ELSPBP1: variants seen among roughly 807,000 people sequenced by gnomAD.
ELSPBP1 encodes the protein epididymal sperm-binding protein 1.
Under a neutral mutation model 33.3 loss-of-function variants are expected in ELSPBP1, and 38 were observed. The observed-to-expected ratio is 1.14, with a 90% CI of 0.88 to 1.50. The LOEUF (loss-of-function observed/expected upper bound fraction) is 1.50. Among genes scored for constraint, ELSPBP1 ranks in the 40% most tolerant of loss-of-function variants. The pLI is 0.00. For missense variants in ELSPBP1, 267 were observed against 263.5 expected (o/e 1.01, Z -0.09); for synonymous variants, 85 against 94.1 (o/e 0.90, Z 0.56).
At chr19:48,023,369 G>T (rs111064774) in intron 6 of ELSPBP1, among the ~76,000 whole-genome samples, 1 of 93,434 alleles carries the variant, frequency 1.1e-5, no homozygotes. Context: ...AGGGAGGAAG[G>T]AAGAGAGGAA....
intron 4 of ELSPBP1, 75 bp from the exon 5 acceptor site, chr19:48,019,644 C>A: frequency 2.1e-6 from 3 of 1,443,960 alleles, no homozygotes; most frequent in Non-Finnish European, 2.8e-6. Flanking sequence ...AAGCGTGGCA[C>A]AGTTTGTGTG....
At chr19:48,001,385 G>GT (rs1431029954) in intron 1 of ELSPBP1, among the ~76,000 whole-genome samples, 2 of 148,918 alleles carry the variant, frequency 1.3e-5, no homozygotes, top group East Asian at 4.0e-4. Context: ...GTTTCACCAT[G>GT]TTGGCCAGCA....
intron 1 of ELSPBP1, among the ~76,000 whole-genome samples, chr19:48,000,705 C>T (rs1568402959): frequency 6.6e-6 from 1 of 152,118 alleles, no homozygotes; most frequent in Admixed American, 6.6e-5. Context: ...ATGAGGACTC[C>T]GAGCTGTGCG....
chr19:47,999,739 A>G (rs971615680), intron 1 of ELSPBP1, among the ~76,000 whole-genome samples: 1 of 151,734 alleles, frequency 6.6e-6, no homozygotes, highest in Non-Finnish European at 1.5e-5. Flanking sequence ...TATTAGCCTC[A>G]TGCAAGAAGG....
intron 6 of ELSPBP1, 53 bp downstream of exon 6, chr19:48,022,387 T>C (rs1814243068): frequency 9.4e-6 from 14 of 1,489,248 alleles, no homozygotes; most frequent in South Asian, 2.7e-5. Flanking sequence ...GTGAGACAGG[T>C]GCACAACTGG....
chr19:48,023,787 T>G lies in ELSPBP1; in HGVS notation c.*8-1165T>G, dbSNP rs946079667. ...CCACCTCAGCCCGCTGGTCATCAAG[T>G]ACCTCCACAGAACCAACTTTATCCC... is the stretch of plus-strand genomic sequence containing the variant. On this transcript the variant is annotated intron_variant, in intron 6 of 6. Transcript: ENST00000339841. 3.9e-5 allele frequency among the ~76,000 whole-genome samples: 6 copies of G among 152,236 alleles called. No homozygotes were observed. In the South Asian group the frequency reaches 8.3e-4, roughly 21 times the overall value.
At position 48,011,978 on chromosome 19, in the gene ELSPBP1, A is replaced by G. The variant is rs56335128; in HGVS notation, c.71-2193A>G. 6.6e-6 allele frequency among the ~76,000 whole-genome samples: 1 copy of G among 151,798 alleles called. No individual in the cohort carries two copies. The highest frequency in any genetic ancestry group is 1.5e-5 in the Non-Finnish European group (1 of 67,932). On this transcript the variant is annotated intron_variant, in intron 2 of 6. Transcript: ENST00000339841. This position sits in a 1 kb window ranked among gnomAD's most constrained non-coding sequence, Gnocchi z 4.5. ...GTTGAGCTCTCATCCCAGGTCTACA[A>G]AAAAAAAGCAATCAACTTTAATTAG...
At chr19:48,001,253 C>T (rs1409602157) in intron 1 of ELSPBP1, among the ~76,000 whole-genome samples, 1 of 151,818 alleles carries the variant, frequency 6.6e-6, no homozygotes, top group Non-Finnish European at 1.5e-5. Context: ...TCACTGCAAC[C>T]TCTAACTCCC....
chr19:48,004,149 G>T (rs1432541250), intron 1 of ELSPBP1, among the ~76,000 whole-genome samples: 1 of 151,886 alleles, frequency 6.6e-6, no homozygotes, highest in African/African-American at 2.4e-5. Flanking sequence ...TTACCATGTT[G>T]ACCAGGCTGG....
chr19:47,997,040 T>C (rs980978509), intron 1 of ELSPBP1, among the ~76,000 whole-genome samples: 1 of 152,150 alleles, frequency 6.6e-6, no homozygotes, highest in Non-Finnish European at 1.5e-5. Flanking sequence ...CCCCATTTTA[T>C]AGAGGGGTAA....
At chr19:48,015,797 C>A in intron 3 of ELSPBP1, 96 bp from the exon 4 acceptor site, 1 of 1,180,376 alleles carries the variant, frequency 8.5e-7, no homozygotes, top group Non-Finnish European at 1.2e-6. Context: ...AACCTTATGT[C>A]TGTCCTGTCC....
chr19:48,023,820 TTTTTTTC>T (rs1249978187), intron 6 of ELSPBP1, among the ~76,000 whole-genome samples: 2 of 152,026 alleles, frequency 1.3e-5, no homozygotes, highest in Non-Finnish European at 2.9e-5. Flanking sequence ...CCCTCTTTTC[TTTTTTTC>T]TTTTTTCTTT....
Position 48,015,934 on chromosome 19 carries a change from G to T in ELSPBP1, c.250G>T (p.Ala84Ser), listed in dbSNP as rs770937416. Residue 84 changes from alanine to serine, a missense_variant, in exon 4 of 7, where the codon GCT (alanine) becomes TCT (serine). Coordinates refer to ENST00000339841, the MANE Select transcript of ELSPBP1 (RefSeq NM_022142.5). Reference protein sequence around the residue: ...CIFPFIYRGKAYNSCISQGSF... With the variant: ...CIFPFIYRGKSYNSCISQGSF... ...CTTCCCTTTCATCTATCGAGGAAAG[G>T]CTTATAACAGCTGCATCTCCCAGGG... 1.9e-5 allele frequency: 31 copies of T among 1,613,762 alleles called. No individual in the cohort carries two copies. Among genetic ancestry groups the T allele is most frequent in the Non-Finnish European group, 2.5e-5 (30 of 1,179,838 alleles).
chr19:47,998,583 G>A (rs1303651759), intron 1 of ELSPBP1, among the ~76,000 whole-genome samples: 4 of 151,766 alleles, frequency 2.6e-5, no homozygotes, highest in Non-Finnish European at 5.9e-5. Context: ...TCAGGAGATC[G>A]AGACCATCCT....
chr19:48,008,308 C>T (rs143748394), intron 1 of ELSPBP1, among the ~76,000 whole-genome samples: 5,404 of 152,232 alleles, frequency 0.035, 175 homozygotes, highest in African/African-American at 0.088. Context: ...TCATAGCTCA[C>T]TGCAGCCTTG....
chr19:47,999,420 G>C (rs549399010), intron 1 of ELSPBP1, among the ~76,000 whole-genome samples: 1 of 126,050 alleles, frequency 7.9e-6, no homozygotes, highest in Non-Finnish European at 1.6e-5. Context: ...AAAGAGTCTC[G>C]CTCTGCCACC....
intron 1 of ELSPBP1, among the ~76,000 whole-genome samples, chr19:48,007,411 A>T (rs771330282): frequency 9.2e-5 from 14 of 152,094 alleles, no homozygotes; most frequent in Admixed American, 7.2e-4. Flanking sequence ...GCCTGCCCTT[A>T]GATTTTCAGG....
intron 4 of ELSPBP1, 129 bp downstream of exon 4, chr19:48,016,168 T>C: frequency 8.9e-7 from 1 of 1,125,044 alleles, no homozygotes; most frequent in Non-Finnish European, 1.3e-6. Flanking sequence ...GAGCCAAGTG[T>C]CTGCTCAGAG....
chr19:48,007,604 CG>C (rs1600104444), intron 1 of ELSPBP1, among the ~76,000 whole-genome samples: 1 of 152,104 alleles, frequency 6.6e-6, no homozygotes, highest in Non-Finnish European at 1.5e-5. Flanking sequence ...ATCAAGGAAA[CG>C]GCACGAAGGA....
Sources: gnomAD v4.1 joint callset for allele counts (sites outside exome capture counted in the v4.1 genomes callset) on GRCh38, gnomAD v4.1.1 for gene constraint, Gnocchi (gnomAD v3.1) non-coding constraint, MANE v1.5 for transcripts, NCBI Gene and HGNC (gene_info 2026-07-23, HGNC 2026-07-21) for gene names.